ASAP1: variants seen among roughly 807,000 people sequenced by gnomAD.
ASAP1 encodes the protein ArfGAP with SH3 domain, ankyrin repeat and PH domain 1, also known as arf-GAP with SH3 domain, ANK repeat and PH domain-containing protein 1.
A neutral mutation model predicts 145.2 loss-of-function variants in ASAP1; 43 were observed. The observed-to-expected ratio is 0.30, with a 90% CI of 0.23 to 0.38. ASAP1 has a LOEUF of 0.38. Ranked by LOEUF, ASAP1 falls within the 10% of genes least tolerant of loss-of-function variation. The probability of loss-of-function intolerance (pLI) is 1.00; values close to 1 mark genes in which losing one functional copy is unlikely to be tolerated. For missense variants in ASAP1, 1,018 were observed against 1,355.3 expected (o/e 0.75, Z 3.91); for synonymous variants, 546 against 515.5 (o/e 1.06, Z -0.80).
chr8:130,435,465 G>A (rs532614525), intron 1 of ASAP1, among the ~76,000 whole-genome samples: 1 of 152,320 alleles, frequency 6.6e-6, no homozygotes, highest in East Asian at 1.9e-4. Flanking sequence ...TGCAGCAGGT[G>A]AATGCACAGG....
chr8:130,197,669 A>C (rs1815594252), intron 5 of ASAP1, among the ~76,000 whole-genome samples: 1 of 152,250 alleles, frequency 6.6e-6, no homozygotes, highest in Non-Finnish European at 1.5e-5. Flanking sequence ...TGATAGCAGT[A>C]ACTTAAGCAC....
chr8:130,161,986 G>A (rs929609788), intron 11 of ASAP1, among the ~76,000 whole-genome samples: 4 of 152,110 alleles, frequency 2.6e-5, no homozygotes, highest in African/African-American at 9.7e-5. Flanking sequence ...TTTTTGTAGG[G>A]ATGGGGTTTC....
At chr8:130,381,550 A>C in intron 2 of ASAP1, among the ~76,000 whole-genome samples, 1 of 71,462 alleles carries the variant, frequency 1.4e-5, no homozygotes, top group East Asian at 2.5e-4. Context: ...TTGAGCACCA[A>C]AAGAGAATGG....
intron 3 of ASAP1, among the ~76,000 whole-genome samples, chr8:130,246,498 C>T (rs1818862926): frequency 6.6e-6 from 1 of 152,054 alleles, no homozygotes; most frequent in African/African-American, 2.4e-5. Flanking sequence ...TGAGTGAGTT[C>T]TCACAAGATC....
At chr8:130,364,837 C>T (rs755712443) in intron 2 of ASAP1, among the ~76,000 whole-genome samples, 23 of 152,158 alleles carry the variant, frequency 1.5e-4, no homozygotes, top group Non-Finnish European at 3.2e-4. Flanking sequence ...GGCTCTGACT[C>T]ATCTCTCACT....
rs141114977 is a variant in ASAP1 at position 130,241,721 on chromosome 8, T to A, written c.187-4727A>T. On this transcript the variant is annotated intron_variant, in intron 3 of 29. Coordinates refer to ENST00000518721, the MANE Select transcript of ASAP1 (RefSeq NM_018482.4). ...TAGAAGAGATATGACTATACAGTCA[T>A]GAGAATAATGTCTTAACAGGACATT... is the stretch of plus-strand genomic sequence containing the variant. Among the ~76,000 whole-genome samples, 366 of 152,268 alleles carry A rather than the reference T, an allele frequency of 2.4e-3. 2 individuals are homozygous for A. The highest frequency in any genetic ancestry group is 7.8e-3 in the Admixed American group (119 of 15,276).
intron 1 of ASAP1, among the ~76,000 whole-genome samples, chr8:130,409,048 G>C (rs968857076): frequency 6.6e-6 from 1 of 152,126 alleles, no homozygotes; most frequent in Non-Finnish European, 1.5e-5. Context: ...GATTACCTGA[G>C]GTCAGGAGTT....
chr8:130,311,166 A>C (rs1461715015), intron 3 of ASAP1, among the ~76,000 whole-genome samples: 1 of 152,244 alleles, frequency 6.6e-6, no homozygotes, highest in Non-Finnish European at 1.5e-5. Flanking sequence ...TACAAGTGAC[A>C]AGTGCAATGC....
chr8:130,072,824 T>TGCGC (rs71303498), intron 27 of ASAP1, among the ~76,000 whole-genome samples: 49 of 32,262 alleles, frequency 1.5e-3, no homozygotes, highest in Admixed American at 2.2e-3. Context: ...TGTGTGTGTG[T>TGCGC]GCGCGCGGGG....
At chr8:130,250,501 GA>G (rs1372959096) in intron 3 of ASAP1, among the ~76,000 whole-genome samples, 1 of 152,132 alleles carries the variant, frequency 6.6e-6, no homozygotes, top group Non-Finnish European at 1.5e-5. Flanking sequence ...ACAGAAGTTT[GA>G]AGGGAATACA....
chr8:130,287,685 C>T (rs1388909952), intron 3 of ASAP1, among the ~76,000 whole-genome samples: 1 of 152,236 alleles, frequency 6.6e-6, no homozygotes, highest in African/African-American at 2.4e-5. Flanking sequence ...CCCTATCTCA[C>T]AAGTTTGGGT....
chr8:130,443,074 G>T (rs1391765159), intron 1 of ASAP1, among the ~76,000 whole-genome samples: 1 of 152,232 alleles, frequency 6.6e-6, no homozygotes, highest in East Asian at 1.9e-4. Flanking sequence ...TGCCGGGAGG[G>T]CGCCCCATCG....
rs575750903 is a variant in ASAP1 at position 130,367,573 on chromosome 8, A to G, written c.60-9430T>C. ...GTAGGCTCCTTTTCCTCAGCCAAAT[A>G]ATTTCACCTCCCTCGGCCTCATTTT... On this transcript the variant is annotated intron_variant, in intron 2 of 29. Transcript: ENST00000518721. Among the ~76,000 whole-genome samples, 4 of 152,302 alleles carry G rather than the reference A, an allele frequency of 2.6e-5. No individual in the cohort carries two copies. The East Asian group carries it at 7.7e-4, about 29-fold the overall frequency.
intron 3 of ASAP1, among the ~76,000 whole-genome samples, chr8:130,268,529 ACACAC>A (rs1565155012): frequency 1.3e-4 from 19 of 150,016 alleles, no homozygotes; most frequent in African/African-American, 4.7e-4. Context: ...ACACACACAC[ACACAC>A]AACTGTGTAA....
rs180683802 is a variant in ASAP1, at chr8:130,168,168, C to T, written c.823-546G>A. 1.1e-3 allele frequency among the ~76,000 whole-genome samples: 173 copies of T among 152,170 alleles called. 4 individuals are homozygous for T. In the East Asian group the frequency reaches 0.029, roughly 26 times the overall value. ...TTTTTAAAGTTATATAAAAGGCATT[C>T]TTTGTAATTATAAAACTTTATTTGA... On this transcript the variant is annotated intron_variant, in intron 10 of 29. Coordinates refer to ENST00000518721, the MANE Select transcript of ASAP1 (RefSeq NM_018482.4).
intron 3 of ASAP1, among the ~76,000 whole-genome samples, chr8:130,353,948 G>A (rs955722458): frequency 4.6e-5 from 7 of 151,922 alleles, no homozygotes; most frequent in African/African-American, 7.3e-5. Flanking sequence ...GTGCAGTGGC[G>A]TGATCCTGGC....
intron 2 of ASAP1, among the ~76,000 whole-genome samples, chr8:130,390,933 T>TCACC (rs1828248667): frequency 7.5e-6 from 1 of 133,150 alleles, no homozygotes; most frequent in Non-Finnish European, 1.6e-5. Context: ...TGGGTATATA[T>TCACC]CCCCCGCCCC....
At position 130,183,159 on chromosome 8, in the gene ASAP1, C is replaced by T. The variant is rs561195233; in HGVS notation, c.531-2279G>A. 2.6e-5 allele frequency among the ~76,000 whole-genome samples: 4 copies of T among 152,100 alleles called. No homozygotes were observed. The East Asian group carries it at 7.7e-4, about 29-fold the overall frequency. On this transcript the variant is annotated intron_variant, in intron 7 of 29. Transcript: ENST00000518721. ...TGGCACTTGAAGACTCTTCGTAAAA[C>T]CTTTTACAGAGACAAGACCTTACAT...
At chr8:130,114,473 G>C (rs1203157213) in intron 23 of ASAP1, among the ~76,000 whole-genome samples, 1 of 152,230 alleles carries the variant, frequency 6.6e-6, no homozygotes, top group Non-Finnish European at 1.5e-5. Flanking sequence ...AGGACTGGAA[G>C]CTGCTCTGGG....
Sources: allele counts gnomAD v4.1 joint callset (sites outside exome capture counted in the v4.1 genomes callset), GRCh38; gene constraint gnomAD v4.1.1; transcripts MANE v1.5; gene names NCBI Gene and HGNC (gene_info 2026-07-23, HGNC 2026-07-21).